TBCD: variants seen among roughly 807,000 people sequenced by gnomAD.
TBCD encodes tubulin folding cofactor D, also known as tubulin-specific chaperone D.
TBCD carries 105 observed loss-of-function variants against 169.3 expected under a neutral mutation model. That is an observed-to-expected ratio of 0.62 (90% CI 0.53 to 0.73). The LOEUF is 0.73. Ranked by LOEUF, TBCD falls within the 30% of genes least tolerant of loss-of-function variation. The pLI is 0.00. For synonymous variants in TBCD, 700 were observed against 643.9 expected, an observed-to-expected ratio of 1.09 and a Z score of -1.32; for missense variants, 1,444 against 1,600.1, an observed-to-expected ratio of 0.90 and a Z score of 1.66.
intron 13 of TBCD, among the ~76,000 whole-genome samples, chr17:82,852,516 G>A (rs889981077): frequency 6.6e-6 from 1 of 152,114 alleles, no homozygotes; most frequent in Non-Finnish European, 1.5e-5. Flanking sequence ...GCCTGCAGGC[G>A]CTGCCTTCCT....
chr17:82,921,500 G>C lies in TBCD; in HGVS notation c.2102-1G>C. On this transcript the variant is annotated splice_acceptor_variant, in intron 24 of 38. Transcript: ENST00000355528. LOFTEE classifies it high-confidence loss of function. ...GGTACGCTAACTTGATTTTTTGACA[G>C]ATGGTTGGCAATGGCTGATAAATGA... is the stretch of plus-strand genomic sequence containing the variant. 1.2e-6 allele frequency: 2 copies of C among 1,614,002 alleles called. No individual in the cohort carries two copies. Among genetic ancestry groups the C allele is most frequent in the Non-Finnish European group, 1.7e-6 (2 of 1,179,850 alleles).
chr17:82,936,855 G>C (rs1288071760), intron 34 of TBCD, among the ~76,000 whole-genome samples: 1 of 152,228 alleles, frequency 6.6e-6, no homozygotes, highest in African/African-American at 2.4e-5. Context: ...ACACTGCACA[G>C]CCTTGTGTGT....
chr17:82,925,168 T>G, intron 27 of TBCD, 111 bp downstream of exon 27: 1 of 859,814 alleles, frequency 1.2e-6, no homozygotes, highest in African/African-American at 1.7e-5. Flanking sequence ...TGCTTGTAGC[T>G]GGGAGGGGGT....
intron 27 of TBCD, 107 bp downstream of exon 27, chr17:82,925,164 T>G: frequency 2.2e-6 from 2 of 890,020 alleles, no homozygotes; most frequent in East Asian, 2.8e-5. Flanking sequence ...TCAGTGCTTG[T>G]AGCTGGGAGG....
intron 8 of TBCD, among the ~76,000 whole-genome samples, chr17:82,799,959 T>A (rs2050385787): frequency 6.6e-6 from 1 of 152,120 alleles, no homozygotes. Context: ...AACGTTCACT[T>A]TCTGTCATTT....
Position 82,792,091 on chromosome 17 carries a change from C to T in TBCD, c.772-5666C>T, listed in dbSNP as rs370963264. On this transcript the variant is annotated intron_variant, in intron 7 of 38. Coordinates refer to ENST00000355528, the MANE Select transcript of TBCD (RefSeq NM_005993.5). ...TTGGGAGGCCGAGGCGGGTGGATCA[C>T]GAGGTCAAGAGATCGAGACCATCCT... Among the ~76,000 whole-genome samples the T allele has an allele frequency of 1.6e-4, 24 of 152,258 alleles. No homozygotes were observed. In the South Asian group the frequency reaches 4.6e-3, roughly 29 times the overall value.
intron 37 of TBCD, 120 bp from the exon 38 acceptor site, chr17:82,941,279 T>A: frequency 1.3e-6 from 1 of 771,318 alleles, no homozygotes; most frequent in East Asian, 2.9e-5. Context: ...TGGCTATGGA[T>A]GTCGGGGGTG....
rs148980236 is a variant in TBCD, at chr17:82,930,117, C to G, written c.2992-405C>G. The G allele has an allele frequency of 2.2e-3, 606 of 273,972 alleles. 2 individuals are homozygous for G. The highest frequency in any genetic ancestry group is 3.7e-3 in the Admixed American group (73 of 19,830). The allele number at this position is 273,972 out of a possible 1,614,324, so 17.0% of individuals were successfully genotyped here. A position where few individuals can be genotyped will look rare whatever the true frequency, so the allele number is the denominator to read the frequency against. On this transcript the variant is annotated intron_variant, in intron 32 of 38. Transcript: ENST00000355528. This position sits in a 1 kb window ranked among gnomAD's most constrained non-coding sequence, Gnocchi z 5.2. ...CGGGCCCCAGGACGTGAGGTGCCCT[C>G]TGCGCCGTGCGGGCGCGTGCGGGGA...
intron 21 of TBCD, among the ~76,000 whole-genome samples, chr17:82,909,021 G>T (rs1206201502): frequency 6.6e-6 from 1 of 152,230 alleles, no homozygotes; most frequent in Non-Finnish European, 1.5e-5. Flanking sequence ...GAATGCAGGT[G>T]GCTCCAGCTC....
chr17:82,778,935 T>G (rs991061132), intron 6 of TBCD, among the ~76,000 whole-genome samples: 1 of 152,190 alleles, frequency 6.6e-6, no homozygotes, highest in Non-Finnish European at 1.5e-5. Flanking sequence ...GTGTTGGGAT[T>G]ACAGGCATGA....
At chr17:82,821,493 C>T (rs1598713907) in intron 13 of TBCD, among the ~76,000 whole-genome samples, 1 of 152,150 alleles carries the variant, frequency 6.6e-6, no homozygotes, top group Non-Finnish European at 1.5e-5. Context: ...TCTGTTTATA[C>T]CCACTGTGTG....
chr17:82,874,044 C>T lies in TBCD; in HGVS notation c.1475+3664C>T, dbSNP rs757917647. Reference sequence around the variant, plus strand: ...GGCTCCTCTTTTGGAGCAGCTGCCACGTGTGGACCGGCACGGGCATGGTCG... The same window carrying T: ...GGCTCCTCTTTTGGAGCAGCTGCCATGTGTGGACCGGCACGGGCATGGTCG... On this transcript the variant is annotated intron_variant, in intron 14 of 38. Coordinates refer to ENST00000355528, the MANE Select transcript of TBCD (RefSeq NM_005993.5). The surrounding 1 kb of genome is among the most constrained non-coding windows in gnomAD (Gnocchi z 5.0). Among the ~76,000 whole-genome samples, 1 of 152,208 alleles carries T rather than the reference C, an allele frequency of 6.6e-6. No individual in the cohort carries two copies. The highest frequency in any genetic ancestry group is 1.5e-5 in the Non-Finnish European group (1 of 68,048).
intron 34 of TBCD, among the ~76,000 whole-genome samples, chr17:82,933,538 TGC>T (rs2062383025): frequency 1.3e-5 from 2 of 151,946 alleles, no homozygotes; most frequent in African/African-American, 4.8e-5. Context: ...TGTGAGCCAC[TGC>T]GTCTGGCCTG....
intron 13 of TBCD, among the ~76,000 whole-genome samples, chr17:82,826,576 C>T (rs535551764): frequency 2.0e-5 from 3 of 151,836 alleles, no homozygotes; most frequent in South Asian, 2.1e-4. Context: ...TCCCATTGCT[C>T]AGCTAATTTT....
intron 7 of TBCD, among the ~76,000 whole-genome samples, chr17:82,792,425 A>G (rs903261435): frequency 1.3e-5 from 2 of 152,228 alleles, no homozygotes; most frequent in African/African-American, 4.8e-5. Flanking sequence ...CTCACTATCA[A>G]TATGTGGTTC....
At chr17:82,927,465 G>A in intron 29 of TBCD, 142 bp downstream of exon 29, 1 of 1,228,514 alleles carries the variant, frequency 8.1e-7, no homozygotes, top group Non-Finnish European at 1.1e-6. Flanking sequence ...TGGGGAAGAT[G>A]ACCTGTTCTC....
At chr17:82,834,822 C>G (rs1398012927) in intron 13 of TBCD, among the ~76,000 whole-genome samples, 2 of 152,078 alleles carry the variant, frequency 1.3e-5, no homozygotes, top group Non-Finnish European at 1.5e-5. Flanking sequence ...CACCATGGCA[C>G]ACATTTACCT....
chr17:82,826,529 C>T (rs1466384275), intron 13 of TBCD, among the ~76,000 whole-genome samples: 1 of 151,912 alleles, frequency 6.6e-6, no homozygotes, highest in East Asian at 1.9e-4. Context: ...AATCCTCCTG[C>T]CTCAGCCTCT....
At chr17:82,829,905 C>G (rs1220212437) in intron 13 of TBCD, 1 of 622,384 alleles carries the variant, frequency 1.6e-6, no homozygotes, top group Non-Finnish European at 2.8e-6. Flanking sequence ...ACATATCAGT[C>G]TTAGAGTCAT....
Sources: allele counts gnomAD v4.1 joint callset (sites outside exome capture counted in the v4.1 genomes callset), GRCh38; gene constraint gnomAD v4.1.1; non-coding constraint Gnocchi (gnomAD v3.1); transcripts MANE v1.5; gene names NCBI Gene and HGNC (gene_info 2026-07-23, HGNC 2026-07-21).